LINGO2: variants seen among roughly 807,000 people sequenced by gnomAD.
LINGO2 encodes leucine rich repeat and Ig domain containing 2, also known as leucine-rich repeat and immunoglobulin-like domain-containing nogo receptor-interacting protein 2.
LINGO2 carries 14 observed loss-of-function variants against 30.6 expected under a neutral mutation model. The observed-to-expected ratio is 0.46, with a 90% CI of 0.30 to 0.72. The LOEUF (loss-of-function observed/expected upper bound fraction) is 0.72, where lower values mean the gene tolerates loss of function less well. LINGO2 is among the 30% of genes least tolerant of loss of function. The probability of loss-of-function intolerance (pLI) is 0.07; values close to 1 mark genes in which losing one functional copy is unlikely to be tolerated. For synonymous variants in LINGO2, 317 were observed against 288.5 expected, an observed-to-expected ratio of 1.10 and a Z score of -1.00; for missense variants, 729 against 751.7, an observed-to-expected ratio of 0.97 and a Z score of 0.35.
At chr9:29,106,866 C>T in the LINGO2 span, among the ~76,000 whole-genome samples, 2 of 152,090 alleles carry the variant, frequency 1.3e-5, no homozygotes, top group African/African-American at 4.8e-5. Context: ...ATGATGGATA[C>T]ACACACAAAT....
Position 28,510,040 on chromosome 9 carries a change from G to A in LINGO2, c.-364-34015C>T, listed in dbSNP as rs1186183530. On this transcript the variant is annotated intron_variant, in intron 1 of 5. Transcript: ENST00000379992. ...GGCAGAGAGAAGAACCTTGCTCTCC[G>A]GCAGCTTACTGCCCTGTATTTTAAG... Among the ~76,000 whole-genome samples, 6 of 152,308 alleles carry A rather than the reference G, an allele frequency of 3.9e-5. No individual in the cohort carries two copies. The South Asian group carries it at 6.2e-4, about 16-fold the overall frequency.
At chr9:29,163,056 C>G in the LINGO2 span, among the ~76,000 whole-genome samples, 1 of 152,108 alleles carries the variant, frequency 6.6e-6, no homozygotes, top group African/African-American at 2.4e-5. Flanking sequence ...GTATAAAACA[C>G]AAAGAACTTG....
chr9:28,677,880 A>C, the LINGO2 span, among the ~76,000 whole-genome samples: 1 of 151,936 alleles, frequency 6.6e-6, no homozygotes, highest in Non-Finnish European at 1.5e-5. Flanking sequence ...CCGAGAAACC[A>C]ATACCCTGGG....
the LINGO2 span, among the ~76,000 whole-genome samples, chr9:28,834,468 T>C: frequency 6.6e-6 from 1 of 152,166 alleles, no homozygotes. Flanking sequence ...TATTTCCAAA[T>C]CCATGTGTGT....
chr9:28,742,031 C>G, the LINGO2 span, among the ~76,000 whole-genome samples: 1 of 151,926 alleles, frequency 6.6e-6, no homozygotes, highest in Non-Finnish European at 1.5e-5. Context: ...GGGATCCCAC[C>G]TGGTATCAGG....
At chr9:29,201,625 T>A in the LINGO2 span, among the ~76,000 whole-genome samples, 1 of 138,484 alleles carries the variant, frequency 7.2e-6, no homozygotes, top group Non-Finnish European at 1.6e-5. Flanking sequence ...TAGAAAGAGA[T>A]TTCAAGTTCA....
chr9:28,529,929 C>T (rs1386289090), intron 1 of LINGO2, among the ~76,000 whole-genome samples: 1 of 151,948 alleles, frequency 6.6e-6, no homozygotes, highest in Non-Finnish European at 1.5e-5. Context: ...TGACTTTATT[C>T]ACCAACCTCT....
intron 4 of LINGO2, among the ~76,000 whole-genome samples, chr9:28,016,609 T>TA: frequency 6.8e-6 from 1 of 146,364 alleles, no homozygotes; most frequent in South Asian, 2.1e-4. Flanking sequence ...TCTGGAAATA[T>TA]ACAACCTCCC....
rs553695021 is a variant in LINGO2, at chr9:28,570,767, T to C, written c.-364-94742A>G. Among the ~76,000 whole-genome samples, 7 of 152,088 alleles carry C rather than the reference T, an allele frequency of 4.6e-5. No individual in the cohort carries two copies. The South Asian group carries it at 1.5e-3, about 32-fold the overall frequency. ...AATTGGTCAAACAGTAGAACAAAAATTTTAAAACACTCTTCAGTTGTTTTT... is the reference window on the plus strand; with the variant it reads ...AATTGGTCAAACAGTAGAACAAAAACTTTAAAACACTCTTCAGTTGTTTTT... On this transcript the variant is annotated intron_variant, in intron 1 of 5. Coordinates refer to ENST00000379992, the Ensembl canonical transcript of LINGO2.
chr9:29,067,667 C>T, the LINGO2 span, among the ~76,000 whole-genome samples: 1 of 147,394 alleles, frequency 6.8e-6, no homozygotes, highest in Non-Finnish European at 1.5e-5. Context: ...GGAAAATGAA[C>T]AATCATAGTC....
intron 3 of LINGO2, among the ~76,000 whole-genome samples, chr9:28,353,233 A>C (rs1417371513): frequency 2.2e-5 from 3 of 139,332 alleles, no homozygotes; most frequent in African/African-American, 8.1e-5. Flanking sequence ...AAATGGGAGA[A>C]AATTTTCGCA....
chr9:28,025,119 AGAT>A (rs1240547821), intron 4 of LINGO2, among the ~76,000 whole-genome samples: 4 of 152,204 alleles, frequency 2.6e-5, no homozygotes, highest in African/African-American at 9.6e-5. Context: ...GTATCTTGAC[AGAT>A]GATGCTGAGA....
chr9:27,945,509 A>G (rs1004423264), downstream of LINGO2, among the ~76,000 whole-genome samples: 3 of 151,412 alleles, frequency 2.0e-5, no homozygotes, highest in African/African-American at 7.4e-5. Context: ...GAGCAAAACC[A>G]GAGTGGAATG....
chr9:28,853,889 C>T, the LINGO2 span, among the ~76,000 whole-genome samples: 1 of 151,842 alleles, frequency 6.6e-6, no homozygotes, highest in South Asian at 2.1e-4. Flanking sequence ...AGAGCGAAAA[C>T]TGTATCACCT....
At chr9:28,041,357 T>C (rs371126846) in intron 4 of LINGO2, among the ~76,000 whole-genome samples, 2 of 152,218 alleles carry the variant, frequency 1.3e-5, no homozygotes, top group East Asian at 1.9e-4. Context: ...TTAATGTTCA[T>C]ACTGTACGGA....
intron 1 of LINGO2, among the ~76,000 whole-genome samples, chr9:28,606,817 A>T (rs1177881537): frequency 6.6e-6 from 1 of 152,084 alleles, no homozygotes; most frequent in East Asian, 1.9e-4. Flanking sequence ...TCATAAAACG[A>T]GTTAGTGGAA....
At chr9:28,518,737 A>G (rs994509814) in intron 1 of LINGO2, among the ~76,000 whole-genome samples, 76 of 152,212 alleles carry the variant, frequency 5.0e-4, no homozygotes, top group African/African-American at 1.6e-3. Context: ...ATATAAGTAT[A>G]TAAGTGATTG....
chr9:28,960,429 G>A, the LINGO2 span, among the ~76,000 whole-genome samples: 1 of 151,474 alleles, frequency 6.6e-6, no homozygotes, highest in Non-Finnish European at 1.5e-5. Context: ...GAACCTAGGA[G>A]TATGAGGTTA....
At chr9:28,742,019 G>C in the LINGO2 span, among the ~76,000 whole-genome samples, 5 of 151,976 alleles carry the variant, frequency 3.3e-5, no homozygotes, top group African/African-American at 7.3e-5. Context: ...GCCTAGGACT[G>C]TGGGATCCCA....
Sources: gnomAD v4.1 joint callset for allele counts (sites outside exome capture counted in the v4.1 genomes callset) on GRCh38, gnomAD v4.1.1 for gene constraint, MANE v1.5 for transcripts, NCBI Gene and HGNC (gene_info 2026-07-23, HGNC 2026-07-21) for gene names.